The following PTPRM variants were observed in gnomAD, a reference collection of about 807,000 sequenced individuals.
PTPRM encodes the protein receptor-type tyrosine-protein phosphatase mu.
In PTPRM, 47 loss-of-function variants were observed where a neutral mutation model predicts 186.7. The observed-to-expected ratio is 0.25, with a 90% CI of 0.20 to 0.32. The LOEUF is 0.32. Ranked by LOEUF, PTPRM falls within the 10% of genes least tolerant of loss-of-function variation. The pLI, the probability that PTPRM is intolerant of heterozygous loss-of-function variation, is 1.00. For synonymous variants in PTPRM, 668 were observed against 674.9 expected (o/e 0.99, Z 0.16); for missense variants, 1,494 against 1,865.0 (o/e 0.80, Z 3.66).
chr18:8,003,263 C>T (rs1295771947), intron 7 of PTPRM, among the ~76,000 whole-genome samples: 1 of 152,184 alleles, frequency 6.6e-6, no homozygotes, highest in Non-Finnish European at 1.5e-5. Context: ...GGTTCCCCTG[C>T]ACAAGCTCCC....
intron 14 of PTPRM, among the ~76,000 whole-genome samples, chr18:8,181,114 C>T (rs544405796): frequency 1.1e-4 from 17 of 152,200 alleles, no homozygotes; most frequent in South Asian, 2.1e-4. Context: ...ACTACATGTC[C>T]GACACTGTTC....
intron 19 of PTPRM, among the ~76,000 whole-genome samples, chr18:8,275,390 G>A (rs1282115464): frequency 6.6e-6 from 1 of 152,172 alleles, no homozygotes; most frequent in East Asian, 1.9e-4. Context: ...GCTTCAGTAA[G>A]CTATGATTGC....
At chr18:7,821,224 G>A (rs1568178008) in intron 2 of PTPRM, among the ~76,000 whole-genome samples, 2 of 152,042 alleles carry the variant, frequency 1.3e-5, no homozygotes, top group Non-Finnish European at 2.9e-5. Context: ...CCATAGTCTG[G>A]GTTCCTTTGA....
chr18:8,370,133 C>CG (rs776739618), intron 23 of PTPRM, among the ~76,000 whole-genome samples: 7 of 151,058 alleles, frequency 4.6e-5, no homozygotes, highest in African/African-American at 2.4e-5. Flanking sequence ...TCACGTGTTC[C>CG]TGCCCAGCCT....
At chr18:7,571,758 A>G (rs2036571603) in intron 1 of PTPRM, among the ~76,000 whole-genome samples, 1 of 152,334 alleles carries the variant, frequency 6.6e-6, no homozygotes, top group African/African-American at 2.4e-5. Context: ...GTGTGGTACC[A>G]ATGTTAATTT....
At chr18:7,814,937 C>T (rs2044727234) in intron 2 of PTPRM, 1 of 152,174 alleles carries the variant, frequency 6.6e-6, no homozygotes, top group Non-Finnish European at 1.5e-5. Context: ...GAGAAAGTTA[C>T]ATTTATCTTA....
At chr18:8,351,501 C>T (rs915549703) in intron 23 of PTPRM, among the ~76,000 whole-genome samples, 1 of 152,202 alleles carries the variant, frequency 6.6e-6, no homozygotes, top group Non-Finnish European at 1.5e-5. Flanking sequence ...CTGTGCACAA[C>T]CACCAGGCTG....
chr18:8,343,586 C>G (rs2095487208), intron 23 of PTPRM, 66 bp downstream of exon 23: 1 of 1,438,318 alleles, frequency 7.0e-7, no homozygotes. Flanking sequence ...GAAAGTAAGG[C>G]ATGAGGCAAG....
chr18:7,901,407 G>A (rs118027569), intron 3 of PTPRM, among the ~76,000 whole-genome samples: 2,476 of 151,232 alleles, frequency 0.016, 61 homozygotes, highest in African/African-American at 0.054. Flanking sequence ...TTACTCTGTC[G>A]CCAGGCTGCA....
At chr18:8,374,825 T>C (rs960762273) in intron 24 of PTPRM, among the ~76,000 whole-genome samples, 2 of 152,370 alleles carry the variant, frequency 1.3e-5, no homozygotes, top group African/African-American at 4.8e-5. Context: ...AGTTGTTTGC[T>C]TTTCTGGTCT....
At chr18:7,619,809 A>G (rs1250251550) in intron 1 of PTPRM, among the ~76,000 whole-genome samples, 2 of 152,220 alleles carry the variant, frequency 1.3e-5, no homozygotes, top group South Asian at 2.1e-4. Context: ...TCATTTGGAC[A>G]TAGGCGTGAC....
chr18:7,746,379 A>G (rs1201787355), intron 1 of PTPRM, among the ~76,000 whole-genome samples: 2 of 152,234 alleles, frequency 1.3e-5, no homozygotes, highest in Admixed American at 1.3e-4. Flanking sequence ...GTAGAATTCT[A>G]TATCTAATGA....
intron 1 of PTPRM, among the ~76,000 whole-genome samples, chr18:7,572,926 G>A (rs903553538): frequency 5.9e-5 from 9 of 152,090 alleles, no homozygotes; most frequent in African/African-American, 1.9e-4. Context: ...CTAAAATACC[G>A]CGGTGGTTTT....
chr18:8,344,816 C>T (rs961650321), intron 23 of PTPRM, among the ~76,000 whole-genome samples: 1 of 151,796 alleles, frequency 6.6e-6, no homozygotes, highest in African/African-American at 2.4e-5. Flanking sequence ...AATGTGGACA[C>T]GTACAATGCT....
At chr18:7,903,870 T>G (rs1427039268) in intron 3 of PTPRM, among the ~76,000 whole-genome samples, 1 of 152,138 alleles carries the variant, frequency 6.6e-6, no homozygotes, top group East Asian at 1.9e-4. Flanking sequence ...ATACACAAAA[T>G]AATGCAGGCC....
intron 7 of PTPRM, among the ~76,000 whole-genome samples, chr18:8,033,343 A>G (rs1372455458): frequency 6.6e-6 from 1 of 152,180 alleles, no homozygotes; most frequent in Non-Finnish European, 1.5e-5. Context: ...ATGTATCATG[A>G]CTATACACTA....
intron 17 of PTPRM, among the ~76,000 whole-genome samples, chr18:8,250,761 C>G (rs917110377): frequency 2.0e-5 from 3 of 150,002 alleles, no homozygotes; most frequent in African/African-American, 7.4e-5. Context: ...TGCCCTCCAG[C>G]CTGGATGATG....
At chr18:7,644,184 T>C (rs1392267607) in intron 1 of PTPRM, among the ~76,000 whole-genome samples, 2 of 152,202 alleles carry the variant, frequency 1.3e-5, no homozygotes, top group Non-Finnish European at 2.9e-5. Context: ...TGAGATTCTT[T>C]TGCAAAATGA....
intron 2 of PTPRM, among the ~76,000 whole-genome samples, chr18:7,841,041 C>A (rs573061639): frequency 6.6e-6 from 1 of 152,260 alleles, no homozygotes; most frequent in South Asian, 2.1e-4. Context: ...TTTATAGTCA[C>A]ATAGCATCAT....
Sources: allele counts gnomAD v4.1 joint callset (sites outside exome capture counted in the v4.1 genomes callset), GRCh38; gene constraint gnomAD v4.1.1; transcripts MANE v1.5; gene names NCBI Gene and HGNC (gene_info 2026-07-23, HGNC 2026-07-21).